CNTNAP3B: variants seen among roughly 807,000 people sequenced by gnomAD.
CNTNAP3B encodes contactin-associated protein-like 3B.
In CNTNAP3B, 25 loss-of-function variants were observed where a neutral mutation model predicts 108.9. The ratio of observed to expected loss-of-function variants is 0.23; its 90% CI spans 0.17 to 0.32. CNTNAP3B has a LOEUF of 0.32. CNTNAP3B is among the 10% of genes least tolerant of loss of function. The pLI, the probability that CNTNAP3B is intolerant of heterozygous loss-of-function variation, is 1.00. For synonymous variants in CNTNAP3B, 103 were observed against 473.4 expected, an observed-to-expected ratio of 0.22 and a Z score of 10.16; for missense variants, 252 against 1,210.4, an observed-to-expected ratio of 0.21 and a Z score of 11.75.
chr9:42,019,743 AGAGT>A (rs1826275191), intron 3 of CNTNAP3B, among the ~76,000 whole-genome samples: 1 of 144,348 alleles, frequency 6.9e-6, no homozygotes, highest in Non-Finnish European at 1.5e-5. Flanking sequence ...CCTTGGTGAC[AGAGT>A]GAGACTCTAT....
intron 9 of CNTNAP3B, chr9:41,974,859 G>A: frequency 1.1e-5 from 1 of 94,816 alleles, no homozygotes; most frequent in South Asian, 2.3e-4. Flanking sequence ...GAGAGAGGAG[G>A]AAAAGTAGTA....
In CNTNAP3B at chr9:42,112,990, C is replaced by T. The variant is rs1305490617; in HGVS notation, c.86-8251G>A. Among the ~76,000 whole-genome samples the T allele has an allele frequency of 1.1e-4, 14 of 130,294 alleles. 2 individuals carry two copies. The highest frequency in any genetic ancestry group is 1.9e-4 in the Non-Finnish European group (12 of 62,190). 85.5% of individuals were successfully genotyped at this position (130,294 alleles called of 152,430 possible). A position where few individuals can be genotyped will look rare whatever the true frequency, so the allele number is the denominator to read the frequency against. ...CAAGATAGTATCGATCTCCTGATCT[C>T]GTGATCCACCTGCCTCAACCTCCCA... is the stretch of plus-strand genomic sequence containing the variant. On this transcript the variant is annotated intron_variant, in intron 1 of 23. Transcript: ENST00000377561.
rs1204393114 is a variant in CNTNAP3B, at chr9:42,098,292, G to A, written c.196+6337C>T. Among the ~76,000 whole-genome samples the A allele has an allele frequency of 8.5e-5, 11 of 129,738 alleles. 2 individuals carry two copies. The Admixed American group carries it at 8.6e-4, about 10-fold the overall frequency. 85.1% of individuals were successfully genotyped at this position (129,738 alleles called of 152,430 possible). On this transcript the variant is annotated intron_variant, in intron 2 of 23. Coordinates refer to ENST00000377561, the MANE Select transcript of CNTNAP3B (RefSeq NM_001201380.3). ...TTTTATTCCATGAAAAAGATAACTA[G>A]GCTGGGCGTGGTGGCTCACGCCTGT... is the stretch of plus-strand genomic sequence containing the variant.
At chr9:42,077,608 C>T (rs4509390) in intron 2 of CNTNAP3B, among the ~76,000 whole-genome samples, 53,582 of 128,462 alleles carry the variant, frequency 0.42, 14,886 homozygotes, top group East Asian at 0.68. Flanking sequence ...GTGATGGTTA[C>T]GAGGAACTGG....
chr9:41,929,570 T>C, intron 14 of CNTNAP3B, 126 bp from the exon 15 acceptor site: 1 of 1,245,526 alleles, frequency 8.0e-7, no homozygotes, highest in Non-Finnish European at 1.1e-6. Context: ...ACATTTTCAA[T>C]ATTTTGAGAG....
At chr9:41,934,517 T>G (rs1346382713) in intron 14 of CNTNAP3B, among the ~76,000 whole-genome samples, 2 of 152,376 alleles carry the variant, frequency 1.3e-5, no homozygotes, top group East Asian at 3.9e-4. Flanking sequence ...CACGGCGCCC[T>G]GCCACTTCTT....
At chr9:41,930,822 AG>A (rs1477306980) in intron 14 of CNTNAP3B, among the ~76,000 whole-genome samples, 42 of 152,308 alleles carry the variant, frequency 2.8e-4, no homozygotes, top group African/African-American at 9.4e-4. Flanking sequence ...GCCAAAATAA[AG>A]GCATTTGTCT....
intron 10 of CNTNAP3B, among the ~76,000 whole-genome samples, chr9:41,967,888 A>G (rs1825328535): frequency 1.3e-5 from 2 of 152,272 alleles, no homozygotes; most frequent in Non-Finnish European, 2.9e-5. Context: ...TATTGTACAC[A>G]TCATGGCTGA....
intron 14 of CNTNAP3B, among the ~76,000 whole-genome samples, chr9:41,931,561 G>T (rs1446019399): frequency 6.6e-6 from 1 of 151,846 alleles, no homozygotes; most frequent in African/African-American, 2.4e-5. Context: ...TAATGGTAAA[G>T]AAAGCTTATT....
intron 2 of CNTNAP3B, among the ~76,000 whole-genome samples, chr9:42,095,820 G>T (rs1827887004): frequency 7.3e-6 from 1 of 136,272 alleles, no homozygotes; most frequent in Non-Finnish European, 1.6e-5. Context: ...GTTAACTCTG[G>T]TCTCTTCTGG....
chr9:41,925,233 G>A (rs1823780677), intron 15 of CNTNAP3B, among the ~76,000 whole-genome samples: 1 of 147,716 alleles, frequency 6.8e-6, no homozygotes, highest in Non-Finnish European at 1.5e-5. Flanking sequence ...TCTGATGGCT[G>A]CCAATAGTGA....
At chr9:41,947,342 G>T (rs1475540411) in intron 13 of CNTNAP3B, among the ~76,000 whole-genome samples, 1 of 151,926 alleles carries the variant, frequency 6.6e-6, no homozygotes, top group African/African-American at 2.4e-5. Context: ...GAATCAAACT[G>T]GAAATCAATA....
intron 13 of CNTNAP3B, among the ~76,000 whole-genome samples, chr9:41,943,415 C>T (rs1225266188): frequency 1.1e-4 from 16 of 141,582 alleles, no homozygotes; most frequent in African/African-American, 4.2e-4. Context: ...TGCAGTGGTG[C>T]AATCTCGGCT....
intron 8 of CNTNAP3B, among the ~76,000 whole-genome samples, chr9:41,990,658 A>C (rs1825788569): frequency 7.6e-6 from 1 of 130,960 alleles, no homozygotes. Context: ...TTTCTTTTTC[A>C]GATTACGCTT....
chr9:41,954,676 T>C (rs1824801237), intron 12 of CNTNAP3B, among the ~76,000 whole-genome samples: 1 of 152,268 alleles, frequency 6.6e-6, no homozygotes, highest in African/African-American at 2.4e-5. Flanking sequence ...TTATTTTAGA[T>C]TTTTTATTTA....
intron 1 of CNTNAP3B, among the ~76,000 whole-genome samples, chr9:42,118,188 C>A (rs927467424): frequency 2.2e-5 from 3 of 139,530 alleles, no homozygotes; most frequent in Non-Finnish European, 4.6e-5. Flanking sequence ...AGGCCAGCAT[C>A]ATCCTGATAC....
At chr9:42,107,746 C>T (rs1386181190) in intron 1 of CNTNAP3B, among the ~76,000 whole-genome samples, 2 of 137,870 alleles carry the variant, frequency 1.5e-5, no homozygotes, top group South Asian at 2.4e-4. Context: ...GAGACCAAGG[C>T]GGGTGGATCA....
At position 42,030,812 on chromosome 9, in the gene CNTNAP3B, AG is replaced by A. The variant is rs199693629; in HGVS notation, c.391-17288del. Among the ~76,000 whole-genome samples the A allele has an allele frequency of 7.4e-3, 329 of 44,360 alleles. 27 individuals carry two copies. The highest frequency in any genetic ancestry group is 9.9e-3 in the Non-Finnish European group (237 of 23,904). 29.1% of individuals were successfully genotyped at this position (44,360 alleles called of 152,430 possible). ...GTGTGCGAGAGAGAGAGAGAGAGAG[AG>A]GAGAGAGAGAGAGAGAGAGAGAGAG... On this transcript the variant is annotated intron_variant, in intron 3 of 23. Transcript: ENST00000377561.
chr9:41,928,059 T>C (rs1823868745), intron 15 of CNTNAP3B, among the ~76,000 whole-genome samples: 1 of 152,182 alleles, frequency 6.6e-6, no homozygotes, highest in African/African-American at 2.4e-5. Context: ...AATAACAGAA[T>C]AATTAACGCT....
Sources: gnomAD v4.1 joint callset for allele counts (sites outside exome capture counted in the v4.1 genomes callset) on GRCh38, gnomAD v4.1.1 for gene constraint, MANE v1.5 for transcripts, NCBI Gene and HGNC (gene_info 2026-07-23, HGNC 2026-07-21) for gene names.